ATP2B2: variants seen among roughly 807,000 people sequenced by gnomAD.
ATP2B2 encodes the protein ATPase plasma membrane Ca2+ transporting 2.
A neutral mutation model predicts 120.0 loss-of-function variants in ATP2B2; 15 were observed. That is an observed-to-expected ratio of 0.12 (90% CI 0.08 to 0.19). The LOEUF (loss-of-function observed/expected upper bound fraction) is 0.19, where lower values mean the gene tolerates loss of function less well. Ranked by LOEUF, ATP2B2 falls within the 10% of genes least tolerant of loss-of-function variation. The probability of loss-of-function intolerance (pLI) is 1.00; values close to 1 mark genes in which losing one functional copy is unlikely to be tolerated. For missense variants in ATP2B2, 1,045 were observed against 1,719.8 expected (o/e 0.61, Z 6.94); for synonymous variants, 694 against 700.3 (o/e 0.99, Z 0.14).
At chr3:10,512,506 A>G (rs2066792552) in intron 3 of ATP2B2, among the ~76,000 whole-genome samples, 1 of 124,668 alleles carries the variant, frequency 8.0e-6, no homozygotes, top group Non-Finnish European at 1.7e-5. Flanking sequence ...ACACACACAC[A>G]CACACACACA....
At chr3:10,423,431 G>C (rs887797193) in intron 2 of ATP2B2, among the ~76,000 whole-genome samples, 1 of 152,204 alleles carries the variant, frequency 6.6e-6, no homozygotes, top group African/African-American at 2.4e-5. Flanking sequence ...GCACCCCACA[G>C]ACACGAGGGA....
chr3:10,336,074 G>T (rs1399388278), intron 22 of ATP2B2: 7 of 1,531,140 alleles, frequency 4.6e-6, no homozygotes, highest in East Asian at 2.5e-5. Flanking sequence ...GCCCCTGCCC[G>T]CCTGGGAGCT....
At position 10,379,875 on chromosome 3, in the gene ATP2B2, A is replaced by G. The variant is rs79513109; in HGVS notation, c.1001-591T>C. ...GTGTTCCTTAGTTTTGGCCTTCAAG[A>G]GGGATGATCTTTCTCCTTCACACTC... On this transcript the variant is annotated intron_variant, in intron 8 of 22. Transcript: ENST00000360273. Among the ~76,000 whole-genome samples the G allele has an allele frequency of 7.9e-5, 12 of 152,218 alleles. No homozygotes were observed. The East Asian group carries it at 2.3e-3, about 30-fold the overall frequency.
intron 1 of ATP2B2, among the ~76,000 whole-genome samples, chr3:10,707,305 G>A (rs2071910388): frequency 1.3e-5 from 2 of 152,240 alleles, no homozygotes; most frequent in South Asian, 4.1e-4. Context: ...GCCAGGAGGA[G>A]GGGAGCTAGG....
At chr3:10,688,370 C>T (rs1011661470) in intron 1 of ATP2B2, among the ~76,000 whole-genome samples, 2 of 152,166 alleles carry the variant, frequency 1.3e-5, no homozygotes, top group Non-Finnish European at 2.9e-5. Context: ...GACACTGGCC[C>T]CTAAGGAGCT....
At position 10,356,041 on chromosome 3, in the gene ATP2B2, C is replaced by G. The variant is rs1156628636; in HGVS notation, c.2136+2650G>C. ...AGTGAGCCGAGATCGCGCCACTGCACTCCAGCCTGGGCGACAGAGCGAGAC... is the reference window on the plus strand; with the variant it reads ...AGTGAGCCGAGATCGCGCCACTGCAGTCCAGCCTGGGCGACAGAGCGAGAC... On this transcript the variant is annotated intron_variant, in intron 14 of 22. Coordinates refer to ENST00000360273, the MANE Select transcript of ATP2B2 (RefSeq NM_001001331.4). 4.4e-5 allele frequency among the ~76,000 whole-genome samples: 3 copies of G among 68,316 alleles called. 1 individual carries two copies. 44.8% of individuals were successfully genotyped at this position (68,316 alleles called of 152,430 possible).
intron 3 of ATP2B2, among the ~76,000 whole-genome samples, chr3:10,520,379 C>T (rs2066960051): frequency 6.6e-6 from 1 of 152,180 alleles, no homozygotes; most frequent in Non-Finnish European, 1.5e-5. Flanking sequence ...GGGAGAACCC[C>T]TCACCTCCTC....
At chr3:10,419,147 C>T (rs1209489432) in intron 2 of ATP2B2, among the ~76,000 whole-genome samples, 1 of 152,242 alleles carries the variant, frequency 6.6e-6, no homozygotes, top group Non-Finnish European at 1.5e-5. Context: ...CAAGAAACCT[C>T]CCTCCCCTCC....
rs765111116 is a variant in ATP2B2 at position 10,402,074 on chromosome 3, G to A, written c.655+17C>T. The stretch of plus-strand genomic sequence containing the variant: ...GAATCCAGCTTTAGAACCTGGCTCT[G>A]TGGCTGGGACACTTACCATATTTGA... On this transcript the variant is annotated intron_variant, in intron 4 of 22. Transcript: ENST00000360273. The surrounding 1 kb of genome is among the most constrained non-coding windows in gnomAD (Gnocchi z 4.9). 1.2e-5 allele frequency: 19 copies of A among 1,612,784 alleles called. No individual in the cohort carries two copies. The Admixed American group carries it at 2.8e-4, about 24-fold the overall frequency.
chr3:10,512,198 G>T (rs544813452), intron 3 of ATP2B2, among the ~76,000 whole-genome samples: 3 of 152,092 alleles, frequency 2.0e-5, no homozygotes, highest in South Asian at 2.1e-4. Context: ...TCTCTCTGTC[G>T]TCTTCCTGCT....
At chr3:10,492,466 G>A (rs1397942575) in intron 1 of ATP2B2, among the ~76,000 whole-genome samples, 1 of 152,146 alleles carries the variant, frequency 6.6e-6, no homozygotes, top group Non-Finnish European at 1.5e-5. Flanking sequence ...TCCTCCCTTG[G>A]AGACTCTTTC....
At chr3:10,597,886 A>G (rs1299216764) in intron 2 of ATP2B2, among the ~76,000 whole-genome samples, 2 of 152,102 alleles carry the variant, frequency 1.3e-5, no homozygotes, top group African/African-American at 4.8e-5. Context: ...TCAAGCTACC[A>G]CCCCTCAAAA....
At chr3:10,386,806 T>C (rs1414022218) in intron 6 of ATP2B2, among the ~76,000 whole-genome samples, 1 of 152,204 alleles carries the variant, frequency 6.6e-6, no homozygotes. Context: ...ATCTTCCTTC[T>C]ACATGAGGCT....
intron 1 of ATP2B2, among the ~76,000 whole-genome samples, chr3:10,489,441 A>G (rs761410362): frequency 6.6e-6 from 1 of 152,196 alleles, no homozygotes; most frequent in Non-Finnish European, 1.5e-5. Flanking sequence ...CTTTCATTCT[A>G]TGGAGGACTT....
chr3:10,500,988 T>G (rs11720931), intron 1 of ATP2B2, among the ~76,000 whole-genome samples: 83,024 of 151,728 alleles, frequency 0.55, 23,906 homozygotes, highest in African/African-American at 0.73. Flanking sequence ...CCAGAGGGCT[T>G]ACACAGCTTT....
intron 2 of ATP2B2, among the ~76,000 whole-genome samples, chr3:10,564,231 C>T (rs4234500): frequency 0.55 from 83,553 of 152,122 alleles, 23,302 homozygotes; most frequent in East Asian, 0.76. Flanking sequence ...TGGCAGCAAC[C>T]TTCTTCTGTT....
intron 1 of ATP2B2, among the ~76,000 whole-genome samples, chr3:10,703,968 C>A (rs1186946147): frequency 1.3e-5 from 2 of 152,196 alleles, no homozygotes; most frequent in African/African-American, 2.4e-5. Context: ...TGAAACTATT[C>A]AAAGTAGCCA....
intron 2 of ATP2B2, among the ~76,000 whole-genome samples, chr3:10,437,586 G>C (rs1183572784): frequency 1.3e-5 from 2 of 152,212 alleles, no homozygotes; most frequent in African/African-American, 4.8e-5. Context: ...AGCAGTGAGC[G>C]TGTCCCTCAT....
chr3:10,512,375 C>T (rs2066778267), intron 3 of ATP2B2, among the ~76,000 whole-genome samples: 1 of 151,952 alleles, frequency 6.6e-6, no homozygotes, highest in Admixed American at 6.6e-5. Flanking sequence ...ATCCCAGGGG[C>T]CTGCATGTCC....
Sources: allele counts gnomAD v4.1 joint callset (sites outside exome capture counted in the v4.1 genomes callset), GRCh38; gene constraint gnomAD v4.1.1; non-coding constraint Gnocchi (gnomAD v3.1); transcripts MANE v1.5; gene names NCBI Gene and HGNC (gene_info 2026-07-23, HGNC 2026-07-21).